Variants in TMTC2 observed in about 807,000 individuals in gnomAD.
TMTC2 encodes protein O-mannosyl-transferase TMTC2.
A neutral mutation model predicts 82.4 loss-of-function variants in TMTC2; 43 were observed. The ratio of observed to expected loss-of-function variants is 0.52; its 90% CI spans 0.41 to 0.67. The LOEUF is 0.67. TMTC2 is among the 30% of genes least tolerant of loss of function. TMTC2 has a pLI of 0.00. For missense variants in TMTC2, 919 were observed against 1,012.4 expected (o/e 0.91, Z 1.25); for synonymous variants, 408 against 381.9 (o/e 1.07, Z -0.80).
intron 4 of TMTC2, among the ~76,000 whole-genome samples, chr12:82,932,253 C>T (rs928345167): frequency 2.6e-5 from 4 of 152,114 alleles, no homozygotes; most frequent in African/African-American, 9.7e-5. Context: ...TGTTTAACCT[C>T]GTAGGCTTTA....
chr12:82,695,982 T>G (rs1029980357), intron 1 of TMTC2, among the ~76,000 whole-genome samples: 2 of 152,238 alleles, frequency 1.3e-5, no homozygotes, highest in African/African-American at 4.8e-5. Flanking sequence ...GTAAAATGTC[T>G]CAAGGTAAAA....
At chr12:82,729,270 G>A (rs985721941) in intron 1 of TMTC2, among the ~76,000 whole-genome samples, 1 of 152,184 alleles carries the variant, frequency 6.6e-6, no homozygotes, top group East Asian at 1.9e-4. Flanking sequence ...CTACCTCAAG[G>A]TTTGTAAACA....
intron 1 of TMTC2, among the ~76,000 whole-genome samples, chr12:82,819,675 G>A (rs968631468): frequency 6.6e-6 from 1 of 151,552 alleles, no homozygotes; most frequent in African/African-American, 2.4e-5. Context: ...CTAATTTTCT[G>A]TATTTTTAGT....
intron 1 of TMTC2, among the ~76,000 whole-genome samples, chr12:82,751,172 T>G (rs1454944102): frequency 6.6e-6 from 1 of 152,062 alleles, no homozygotes; most frequent in South Asian, 2.1e-4. Context: ...ATTAAGAAAA[T>G]GTGGCACATA....
chr12:83,001,432 G>A (rs1403395390), intron 8 of TMTC2, among the ~76,000 whole-genome samples: 1 of 151,342 alleles, frequency 6.6e-6, no homozygotes, highest in Non-Finnish European at 1.5e-5. Context: ...CAGGTGGGGA[G>A]TTCAAGACTA....
chr12:83,078,324 A>G (rs1883355704), intron 11 of TMTC2, among the ~76,000 whole-genome samples: 2 of 152,062 alleles, frequency 1.3e-5, no homozygotes, highest in Non-Finnish European at 1.5e-5. Context: ...GATGACATTA[A>G]TTTTCTTAGA....
At chr12:82,861,349 C>T (rs979521355) in intron 2 of TMTC2, among the ~76,000 whole-genome samples, 4 of 152,146 alleles carry the variant, frequency 2.6e-5, no homozygotes, top group African/African-American at 9.7e-5. Flanking sequence ...CAGACCAAAG[C>T]TAACAACCCC....
At chr12:82,817,024 G>T (rs769060829) in intron 1 of TMTC2, among the ~76,000 whole-genome samples, 3 of 147,642 alleles carry the variant, frequency 2.0e-5, no homozygotes, top group Non-Finnish European at 4.5e-5. Context: ...CTGGAGTGCC[G>T]TGGCAGGATC....
chr12:82,939,430 T>C (rs76926977), intron 4 of TMTC2, among the ~76,000 whole-genome samples: 22 of 152,326 alleles, frequency 1.4e-4, no homozygotes, highest in African/African-American at 4.8e-4. Flanking sequence ...AAAATGACCA[T>C]TTGCAGCCTA....
chr12:83,061,712 C>A, intron 10 of TMTC2, 56 bp from the exon 11 acceptor site: 2 of 1,430,756 alleles, frequency 1.4e-6, no homozygotes, highest in Non-Finnish European at 1.9e-6. Flanking sequence ...GCACAGTGAT[C>A]CTATTTGTAA....
intron 1 of TMTC2, among the ~76,000 whole-genome samples, chr12:82,838,080 A>G (rs926286533): frequency 3.9e-5 from 6 of 152,216 alleles, no homozygotes; most frequent in Non-Finnish European, 5.9e-5. Context: ...CTTCACATAC[A>G]TTAAGTAATG....
chr12:83,092,216 G>A (rs1214475728), intron 11 of TMTC2, among the ~76,000 whole-genome samples: 1 of 152,160 alleles, frequency 6.6e-6, no homozygotes, highest in Non-Finnish European at 1.5e-5. Context: ...CCCAAAAGGT[G>A]TGCTTTTGCA....
chr12:82,697,334 CAAAAAAAAAA>C, intron 1 of TMTC2, among the ~76,000 whole-genome samples: 1 of 61,678 alleles, frequency 1.6e-5, no homozygotes, highest in East Asian at 3.7e-4. Context: ...CAGCCTGTCT[CAAAAAAAAAA>C]AAAAAAAAAA....
chr12:83,116,810 C>T (rs1884778880), intron 11 of TMTC2, among the ~76,000 whole-genome samples: 2 of 151,370 alleles, frequency 1.3e-5, no homozygotes, highest in Non-Finnish European at 2.9e-5. Context: ...TGTTTGAGTT[C>T]ATTGTAGAGT....
At chr12:82,792,235 C>T (rs1001277866) in intron 1 of TMTC2, among the ~76,000 whole-genome samples, 10 of 151,982 alleles carry the variant, frequency 6.6e-5, no homozygotes, top group African/African-American at 2.4e-4. Flanking sequence ...TATAAAGCAC[C>T]TATCTTTCTA....
intron 3 of TMTC2, among the ~76,000 whole-genome samples, chr12:82,927,261 C>T (rs1000337737): frequency 3.9e-5 from 6 of 152,184 alleles, no homozygotes; most frequent in African/African-American, 1.2e-4. Flanking sequence ...GATTCCAATC[C>T]TTATGGATAC....
At chr12:82,859,255 A>G (rs1871410526) in intron 2 of TMTC2, among the ~76,000 whole-genome samples, 1 of 152,014 alleles carries the variant, frequency 6.6e-6, no homozygotes, top group Non-Finnish European at 1.5e-5. Flanking sequence ...TTTAGTAGAG[A>G]TGGGGTTTCA....
chr12:82,869,590 A>G (rs893172206), intron 2 of TMTC2, among the ~76,000 whole-genome samples: 1 of 152,176 alleles, frequency 6.6e-6, no homozygotes, highest in Non-Finnish European at 1.5e-5. Flanking sequence ...TTGTAATGCC[A>G]GCGCTTTGGG....
intron 7 of TMTC2, among the ~76,000 whole-genome samples, chr12:82,969,491 A>G (rs920112252): frequency 6.6e-6 from 1 of 152,242 alleles, no homozygotes; most frequent in African/African-American, 2.4e-5. Context: ...TAATGTGATT[A>G]TTAGTGTAGT....
Sources: allele counts gnomAD v4.1 joint callset (sites outside exome capture counted in the v4.1 genomes callset), GRCh38; gene constraint gnomAD v4.1.1; transcripts MANE v1.5; gene names NCBI Gene and HGNC (gene_info 2026-07-23, HGNC 2026-07-21).